PARM1: variants seen among roughly 807,000 people sequenced by gnomAD.
The protein encoded by PARM1 is prostate androgen-regulated mucin-like protein 1, also known as WSC4, cell wall integrity and stress response component 4 homolog.
Under a neutral mutation model 24.6 loss-of-function variants are expected in PARM1, and 14 were observed. The ratio of observed to expected loss-of-function variants is 0.57; its 90% CI spans 0.38 to 0.89. The LOEUF (loss-of-function observed/expected upper bound fraction) is 0.89, where lower values mean the gene tolerates loss of function less well. Among genes scored for constraint, PARM1 ranks in the 40% least tolerant of loss-of-function variants. The probability of loss-of-function intolerance (pLI) is 0.00; values close to 1 mark genes in which losing one functional copy is unlikely to be tolerated. For missense variants in PARM1, 362 were observed against 380.4 expected, an observed-to-expected ratio of 0.95 and a Z score of 0.40; for synonymous variants, 179 against 156.6, an observed-to-expected ratio of 1.14 and a Z score of -1.07.
chr4:75,007,005 A>G (rs1722785195), intron 1 of PARM1, among the ~76,000 whole-genome samples: 1 of 152,214 alleles, frequency 6.6e-6, no homozygotes, highest in African/African-American at 2.4e-5. Flanking sequence ...CAGAATCTAC[A>G]AAGAACTTAA....
chr4:75,017,167 A>C (rs1252742568), intron 2 of PARM1, among the ~76,000 whole-genome samples: 1 of 152,108 alleles, frequency 6.6e-6, no homozygotes, highest in Non-Finnish European at 1.5e-5. Context: ...TATTCCTGCA[A>C]CTGATCTCAC....
chr4:75,014,377 G>A (rs1722937193), intron 2 of PARM1, among the ~76,000 whole-genome samples: 1 of 152,132 alleles, frequency 6.6e-6, no homozygotes, highest in African/African-American at 2.4e-5. Context: ...CTGAGACTGG[G>A]ATAAAGGAAC....
chr4:74,951,319 A>G (rs1578025034), intron 1 of PARM1, among the ~76,000 whole-genome samples: 1 of 152,192 alleles, frequency 6.6e-6, no homozygotes, highest in African/African-American at 2.4e-5. Context: ...GTATAGAGAG[A>G]TAGCAAAAAG....
At chr4:74,951,270 A>C (rs1229671603) in intron 1 of PARM1, among the ~76,000 whole-genome samples, 1 of 152,230 alleles carries the variant, frequency 6.6e-6, no homozygotes, top group Non-Finnish European at 1.5e-5. Context: ...ACAACACCGT[A>C]TCATTTACAT....
rs1337673392 is a variant in PARM1 at position 75,012,671 on chromosome 4, G to T, written c.290G>T (p.Trp97Leu). 6.2e-7 allele frequency: 1 copy of T among 1,613,938 alleles called. No homozygotes were observed. The highest frequency in any genetic ancestry group is 1.1e-5 in the South Asian group (1 of 91,068). Residue 97 changes from tryptophan to leucine, a missense_variant, in exon 2 of 4, where the codon TGG (tryptophan) becomes TTG (leucine). Coordinates refer to ENST00000307428, the MANE Select transcript of PARM1 (RefSeq NM_015393.4). ...EEEITSPGSN[W>L]EGTNTDPSPS... ...GAGATCACCAGCCCAGGTTCGAATT[G>T]GGAAGGCACAAACACAGACCCCTCA...
chr4:74,940,976 G>T (rs1322532238), intron 1 of PARM1, among the ~76,000 whole-genome samples: 4 of 152,222 alleles, frequency 2.6e-5, no homozygotes, highest in African/African-American at 9.6e-5. Flanking sequence ...ACTGCCACTT[G>T]TTCACCAGAG....
chr4:75,038,732 C>G (rs1235820227), intron 3 of PARM1, among the ~76,000 whole-genome samples: 1 of 152,212 alleles, frequency 6.6e-6, no homozygotes, highest in Non-Finnish European at 1.5e-5. Context: ...AAGGCCCTGT[C>G]TACCTTTTGC....
At chr4:75,046,079 C>T (rs3733467) in intron 3 of PARM1, 84 bp from the exon 4 acceptor site, 2 of 841,612 alleles carry the variant, frequency 2.4e-6, no homozygotes, top group Admixed American at 4.0e-5. Context: ...CCATAAGCAT[C>T]CCCAGTTCAG....
intron 1 of PARM1, among the ~76,000 whole-genome samples, chr4:74,971,580 A>G (rs1722038647): frequency 6.6e-6 from 1 of 152,180 alleles, no homozygotes; most frequent in Non-Finnish European, 1.5e-5. Flanking sequence ...CAAGTGTCTG[A>G]TAGTTGACAC....
At chr4:75,031,007 G>A (rs188611823) in intron 2 of PARM1, among the ~76,000 whole-genome samples, 2 of 152,212 alleles carry the variant, frequency 1.3e-5, no homozygotes, top group Admixed American at 6.5e-5. Context: ...ATAAAGTTGC[G>A]CTAACATGGG....
At chr4:75,018,909 G>A (rs546630820) in intron 2 of PARM1, among the ~76,000 whole-genome samples, 33 of 152,272 alleles carry the variant, frequency 2.2e-4, no homozygotes, top group African/African-American at 6.0e-4. Flanking sequence ...CATCCTACCC[G>A]AATTAGTAGA....
chr4:75,000,354 A>G (rs1407230696), intron 1 of PARM1, among the ~76,000 whole-genome samples: 1 of 152,144 alleles, frequency 6.6e-6, no homozygotes, highest in Non-Finnish European at 1.5e-5. Flanking sequence ...TTAGCTCACA[A>G]GGTATATAGT....
intron 1 of PARM1, 57 bp from the exon 2 acceptor site, chr4:75,012,368 T>C: frequency 6.4e-7 from 1 of 1,563,096 alleles, no homozygotes; most frequent in Admixed American, 1.7e-5. Context: ...CTTGCCTCTA[T>C]TTCACATATT....
intron 1 of PARM1, among the ~76,000 whole-genome samples, chr4:74,998,408 TC>T (rs1247139808): frequency 6.6e-6 from 1 of 152,200 alleles, no homozygotes; most frequent in Non-Finnish European, 1.5e-5. Flanking sequence ...TCTAAAAGCT[TC>T]TTGCACAAGA....
chr4:75,016,474 A>T (rs1560793235), intron 2 of PARM1, among the ~76,000 whole-genome samples: 1 of 152,108 alleles, frequency 6.6e-6, no homozygotes, highest in Admixed American at 6.5e-5. Context: ...ATATTGCGTG[A>T]TGCTGAGGTT....
At chr4:75,038,411 T>C (rs1005013674) in intron 3 of PARM1, among the ~76,000 whole-genome samples, 1 of 152,156 alleles carries the variant, frequency 6.6e-6, no homozygotes, top group Non-Finnish European at 1.5e-5. Context: ...GCTTAGCAAA[T>C]AGGGACTCAG....
intron 1 of PARM1, among the ~76,000 whole-genome samples, chr4:74,971,517 T>C (rs1278829839): frequency 6.6e-6 from 1 of 152,252 alleles, no homozygotes. Context: ...ATCAATGGCA[T>C]ATCCTATTTT....
rs1721251558 is a variant in PARM1, at chr4:74,939,148, G to A, written c.43+5778G>A. Among the ~76,000 whole-genome samples the A allele has an allele frequency of 2.6e-5, 4 of 152,072 alleles. No homozygotes were observed. The South Asian group carries it at 8.3e-4, about 31-fold the overall frequency. On this transcript the variant is annotated intron_variant, in intron 1 of 3. Coordinates refer to ENST00000307428, the MANE Select transcript of PARM1 (RefSeq NM_015393.4). Reference sequence around the variant, plus strand: ...CAACCATACTTTTGGCCTTTCATCTGCAGTTCATTTATACAGTGACTTTGA... The same window carrying A: ...CAACCATACTTTTGGCCTTTCATCTACAGTTCATTTATACAGTGACTTTGA...
chr4:75,036,797 C>A (rs1723381065), intron 3 of PARM1, among the ~76,000 whole-genome samples: 1 of 152,200 alleles, frequency 6.6e-6, no homozygotes, highest in Non-Finnish European at 1.5e-5. Context: ...AATCATTATT[C>A]TTCTTCCCCA....
Sources: gnomAD v4.1 joint callset for allele counts (sites outside exome capture counted in the v4.1 genomes callset) on GRCh38, gnomAD v4.1.1 for gene constraint, MANE v1.5 for transcripts, NCBI Gene and HGNC (gene_info 2026-07-23, HGNC 2026-07-21) for gene names.